The following PDE4D variants were observed in gnomAD, a reference collection of about 807,000 sequenced individuals.
PDE4D encodes 3',5'-cyclic-AMP phosphodiesterase 4D.
A neutral mutation model predicts 87.4 loss-of-function variants in PDE4D; 24 were observed. The observed-to-expected ratio is 0.27, with a 90% CI of 0.20 to 0.39. The LOEUF (loss-of-function observed/expected upper bound fraction) is 0.39. Among genes scored for constraint, PDE4D ranks in the 10% least tolerant of loss-of-function variants. PDE4D has a pLI of 1.00. For synonymous variants in PDE4D, 384 were observed against 383.2 expected, an observed-to-expected ratio of 1.00 and a Z score of -0.02; for missense variants, 714 against 1,041.0, an observed-to-expected ratio of 0.69 and a Z score of 4.32.
At chr5:59,232,114 A>G (rs1755344119) in intron 1 of PDE4D, among the ~76,000 whole-genome samples, 1 of 152,192 alleles carries the variant, frequency 6.6e-6, no homozygotes, top group Non-Finnish European at 1.5e-5. Flanking sequence ...ACCAGATCGA[A>G]ATAGGCTTCC....
At chr5:59,572,773 C>A in intron 1 of PDE4D, among the ~76,000 whole-genome samples, 1 of 152,208 alleles carries the variant, frequency 6.6e-6, no homozygotes, top group East Asian at 1.9e-4. Flanking sequence ...AGCCACCACG[C>A]CCGGCCGCTT....
chr5:59,436,612 T>G (rs2153634125), intron 1 of PDE4D, among the ~76,000 whole-genome samples: 1 of 152,308 alleles, frequency 6.6e-6, no homozygotes, highest in East Asian at 1.9e-4. Flanking sequence ...ATAAATCAGC[T>G]AGTCAGCAGG....
chr5:59,180,796 C>T (rs1362105528), intron 4 of PDE4D, among the ~76,000 whole-genome samples, 152 bp from the exon 5 acceptor site: 1 of 152,160 alleles, frequency 6.6e-6, no homozygotes, highest in East Asian at 1.9e-4. Flanking sequence ...CCAGACAAGT[C>T]CCTAGGCGTT....
intron 1 of PDE4D, among the ~76,000 whole-genome samples, chr5:60,394,430 G>A (rs1762755713): frequency 6.6e-6 from 1 of 152,146 alleles, no homozygotes; most frequent in Admixed American, 6.5e-5. Context: ...GTTAATTTAG[G>A]AATTGTGTTT....
At chr5:60,475,158 C>T (rs1748214459) in intron 1 of PDE4D, among the ~76,000 whole-genome samples, 1 of 152,006 alleles carries the variant, frequency 6.6e-6, no homozygotes, top group Admixed American at 6.6e-5. Context: ...TGTTATGCTC[C>T]CTAAGCACCC....
intron 1 of PDE4D, among the ~76,000 whole-genome samples, chr5:59,470,832 G>GT: frequency 6.6e-6 from 1 of 152,166 alleles, no homozygotes; most frequent in African/African-American, 2.4e-5. Context: ...AAAGAGATTT[G>GT]TTTTTTCCTA....
intron 1 of PDE4D, among the ~76,000 whole-genome samples, chr5:59,636,720 G>C (rs906637534): frequency 6.6e-6 from 1 of 152,132 alleles, no homozygotes; most frequent in African/African-American, 2.4e-5. Context: ...ACTGAAACTG[G>C]ACCCCTTCCT....
chr5:59,335,704 C>T (rs1260725860), intron 1 of PDE4D, among the ~76,000 whole-genome samples: 7 of 152,118 alleles, frequency 4.6e-5, no homozygotes, highest in Middle Eastern at 3.4e-3. Flanking sequence ...GTGAAAGGAC[C>T]GGAAAATTCC....
intron 2 of PDE4D, among the ~76,000 whole-genome samples, chr5:60,177,041 A>AT (rs1240277034): frequency 1.3e-5 from 2 of 152,030 alleles, no homozygotes; most frequent in Non-Finnish European, 2.9e-5. Flanking sequence ...AGAAATGATT[A>AT]TTTTTTTATA....
At chr5:59,036,519 T>A (rs771386937) in intron 6 of PDE4D, among the ~76,000 whole-genome samples, 5 of 152,200 alleles carry the variant, frequency 3.3e-5, no homozygotes, top group Non-Finnish European at 7.4e-5. Context: ...GTGGCAACAC[T>A]CACAGGGGCC....
At chr5:59,156,430 A>C (rs1780235478) in intron 5 of PDE4D, among the ~76,000 whole-genome samples, 1 of 149,288 alleles carries the variant, frequency 6.7e-6, no homozygotes, top group African/African-American at 2.5e-5. Flanking sequence ...TGTAAGTAGA[A>C]GCATTATGTG....
At chr5:60,038,342 T>G (rs966534281) in intron 2 of PDE4D, among the ~76,000 whole-genome samples, 19 of 152,192 alleles carry the variant, frequency 1.2e-4, no homozygotes, top group Non-Finnish European at 2.4e-4. Flanking sequence ...TTTCTACATA[T>G]GGCTAGCCAG....
chr5:60,491,576 G>T (rs570431430), upstream of PDE4D: 37 of 152,278 alleles, frequency 2.4e-4, no homozygotes, highest in Non-Finnish European at 4.4e-4. Flanking sequence ...AATGAGACCT[G>T]AACAGAAGGA....
chr5:60,400,037 C>T (rs1222631284), intron 1 of PDE4D, among the ~76,000 whole-genome samples: 4 of 152,222 alleles, frequency 2.6e-5, no homozygotes, highest in Non-Finnish European at 4.4e-5. Context: ...CAGGACCCCT[C>T]ACTAAATTCA....
At chr5:59,925,282 T>G (rs926236506) in intron 3 of PDE4D, among the ~76,000 whole-genome samples, 1 of 152,098 alleles carries the variant, frequency 6.6e-6, no homozygotes, top group African/African-American at 2.4e-5. Flanking sequence ...ATGCAATCAG[T>G]TTTAATTTGT....
intron 5 of PDE4D, among the ~76,000 whole-genome samples, chr5:59,065,475 A>G (rs1763794086): frequency 6.6e-6 from 1 of 152,186 alleles, no homozygotes; most frequent in Non-Finnish European, 1.5e-5. Flanking sequence ...TAGCTGTTAT[A>G]TTAAGTGTCC....
At chr5:59,197,785 G>C (rs2153489681) in intron 2 of PDE4D, among the ~76,000 whole-genome samples, 1 of 152,280 alleles carries the variant, frequency 6.6e-6, no homozygotes, top group South Asian at 2.1e-4. Context: ...GTATGTGTGG[G>C]TTTTAATGAA....
chr5:59,433,452 G>A lies in PDE4D; in HGVS notation c.456-217484C>T, dbSNP rs188070444. On this transcript the variant is annotated intron_variant, in intron 1 of 14. Coordinates refer to ENST00000340635, the MANE Select transcript of PDE4D (RefSeq NM_001104631.2). The stretch of plus-strand genomic sequence containing the variant: ...TGTGAGAACTCTGGCCAACTAGCAG[G>A]AGGTGGCCCTTAAGGGAAGAAAATG... Among the ~76,000 whole-genome samples, 77 of 152,198 alleles carry A rather than the reference G, an allele frequency of 5.1e-4. 1 individual carries two copies. The East Asian group carries it at 0.014, about 28-fold the overall frequency.
chr5:60,160,529 GA>G (rs770165520), intron 2 of PDE4D, among the ~76,000 whole-genome samples: 3 of 151,962 alleles, frequency 2.0e-5, no homozygotes, highest in Admixed American at 1.3e-4. Context: ...AAAATAACTG[GA>G]CCAGAGTGTG....
Sources: gnomAD v4.1 joint callset for allele counts (sites outside exome capture counted in the v4.1 genomes callset) on GRCh38, gnomAD v4.1.1 for gene constraint, MANE v1.5 for transcripts, NCBI Gene and HGNC (gene_info 2026-07-23, HGNC 2026-07-21) for gene names.